CARS1: variants seen among roughly 807,000 people sequenced by gnomAD.
The protein encoded by CARS1 is cysteinyl-tRNA synthetase 1, also known as cysteine--tRNA ligase, cytoplasmic.
A neutral mutation model predicts 106.2 loss-of-function variants in CARS1; 48 were observed. The ratio of observed to expected loss-of-function variants is 0.45; its 90% CI spans 0.36 to 0.57. The LOEUF is 0.57. Among genes scored for constraint, CARS1 ranks in the 20% least tolerant of loss-of-function variants. The pLI is 0.00. For missense variants in CARS1, 968 were observed against 1,057.2 expected (o/e 0.92, Z 1.17); for synonymous variants, 409 against 403.4 (o/e 1.01, Z -0.17).
In CARS1 at chr11:3,046,259, C is replaced by T. The variant is rs1266822403; in HGVS notation, c.274+1494G>A. Among the ~76,000 whole-genome samples, 2 of 152,176 alleles carry T rather than the reference C, an allele frequency of 1.3e-5. No homozygotes were observed. The highest frequency in any genetic ancestry group is 4.8e-5 in the African/African-American group (2 of 41,434). ...CGTCTGTGCCGCTCTTTCAACAAGT[C>T]CCTATGAGGGAAGCCTGGACAGGCC... On this transcript the variant is annotated intron_variant, in intron 2 of 22. Coordinates refer to ENST00000380525, the MANE Select transcript of CARS1 (RefSeq NM_001014437.3). This position sits in a 1 kb window ranked among gnomAD's most constrained non-coding sequence, Gnocchi z 5.8.
chr11:3,005,524 C>T (rs552813155), intron 19 of CARS1, 91 bp from the exon 20 acceptor site: 1 of 944,660 alleles, frequency 1.1e-6, no homozygotes, highest in East Asian at 2.4e-5. Flanking sequence ...CCTGCCCAGA[C>T]CATGCGGTGC....
Position 3,001,998 on chromosome 11 carries a change from G to T in CARS1, c.2333C>A (p.Thr778Asn). 2 of 1,613,752 alleles carry T rather than the reference G, an allele frequency of 1.2e-6. No individual in the cohort carries two copies. The highest frequency in any genetic ancestry group is 1.7e-6 in the Non-Finnish European group (2 of 1,179,744). ...IPPSEMFLSE[T>N]DKYSKFDENG... ...TTCATCAAACTTGGAGTATTTGTCGGTTTCTGACAAGAACATCTCACTGGG... is the reference window on the plus strand; with the variant it reads ...TTCATCAAACTTGGAGTATTTGTCGTTTTCTGACAAGAACATCTCACTGGG... Residue 778 changes from threonine to asparagine, a missense_variant, in exon 22 of 23, where the codon ACC (threonine) becomes AAC (asparagine). Thr to Asn is a moderately conservative substitution (Grantham distance 65). Transcript: ENST00000380525.
At chr11:3,001,522 G>A (rs1849402076) in intron 22 of CARS1, among the ~76,000 whole-genome samples, 1 of 152,212 alleles carries the variant, frequency 6.6e-6, no homozygotes, top group Non-Finnish European at 1.5e-5. Flanking sequence ...ACCCATGGCT[G>A]AGTTCTGACA....
chr11:3,001,789 G>A (rs368120121), intron 22 of CARS1, among the ~76,000 whole-genome samples, 181 bp downstream of exon 22: 4 of 152,220 alleles, frequency 2.6e-5, no homozygotes, highest in South Asian at 4.1e-4. Flanking sequence ...AGCTGCCTGG[G>A]CTGTGGAAGG....
chr11:3,036,875 A>C (rs1380373333), intron 7 of CARS1, among the ~76,000 whole-genome samples: 1 of 152,216 alleles, frequency 6.6e-6, no homozygotes, highest in African/African-American at 2.4e-5. Context: ...CATGCACTAC[A>C]GCATGGGTCA....
chr11:3,039,084 A>G lies in CARS1; in HGVS notation c.651+110T>C, dbSNP rs1384736615. 5 of 707,208 alleles carry G rather than the reference A, an allele frequency of 7.1e-6. No individual in the cohort carries two copies. The Admixed American group carries it at 1.2e-4, about 17-fold the overall frequency. The allele number at this position is 707,208 out of a possible 1,614,324, so 43.8% of individuals were successfully genotyped here. A position where few individuals can be genotyped will look rare whatever the true frequency, so the allele number is the denominator to read the frequency against. The stretch of plus-strand genomic sequence containing the variant: ...GACGGAACTGGCTTGAGTAACATAC[A>G]CTTTGTGAAAGCCTGTGAGACTGAC... On this transcript the variant is annotated intron_variant, in intron 6 of 22. Transcript: ENST00000380525. This position sits in a 1 kb window ranked among gnomAD's most constrained non-coding sequence, Gnocchi z 5.6.
At chr11:3,056,177 T>C (rs1856182369) in intron 1 of CARS1, among the ~76,000 whole-genome samples, 1 of 152,186 alleles carries the variant, frequency 6.6e-6, no homozygotes, top group Non-Finnish European at 1.5e-5. Context: ...TAACTACCTA[T>C]CTATAACCCA....
rs1443931313 is a variant in CARS1 at position 3,044,919 on chromosome 11, G to A, written c.275-2663C>T. ...GATGCAGATAGGACCCAAGCAAGGGGTTCATGGAGAGAAATCCTTCATCAG... is the reference window on the plus strand; with the variant it reads ...GATGCAGATAGGACCCAAGCAAGGGATTCATGGAGAGAAATCCTTCATCAG... On this transcript the variant is annotated intron_variant, in intron 2 of 22. Coordinates refer to ENST00000380525, the MANE Select transcript of CARS1 (RefSeq NM_001014437.3). The surrounding 1 kb of genome is among the most constrained non-coding windows in gnomAD (Gnocchi z 4.4). Among the ~76,000 whole-genome samples the A allele has an allele frequency of 6.6e-6, 1 of 152,134 alleles. No individual in the cohort carries two copies. Among genetic ancestry groups the A allele is most frequent in the Non-Finnish European group, 1.5e-5 (1 of 68,034 alleles).
chr11:3,030,319 T>C lies in CARS1; in HGVS notation c.802-876A>G, dbSNP rs370868721. 6.6e-6 allele frequency: 1 copy of C among 152,258 alleles called. No homozygotes were observed. Among genetic ancestry groups the C allele is most frequent in the African/African-American group, 2.4e-5 (1 of 41,464 alleles). The allele number at this position is 152,258 out of a possible 1,614,324, so 9.4% of individuals were successfully genotyped here. A position where few individuals can be genotyped will look rare whatever the true frequency, so the allele number is the denominator to read the frequency against. On this transcript the variant is annotated intron_variant, in intron 7 of 22. Transcript: ENST00000380525. The surrounding 1 kb of genome is among the most constrained non-coding windows in gnomAD (Gnocchi z 5.7). The stretch of plus-strand genomic sequence containing the variant: ...GGGCCCACGTGGGCCAGGTTCCTGA[T>C]GCAATCCCTGCCTACAGCTCCTGAA...
Position 3,019,178 on chromosome 11 carries a change from G to C in CARS1, c.1356C>G (p.Leu452=). 1 of 1,528,758 alleles carries C rather than the reference G, an allele frequency of 6.5e-7. No individual in the cohort carries two copies. The highest frequency in any genetic ancestry group is 1.3e-5 in the South Asian group (1 of 77,048). The allele number at this position is 1,528,758 out of a possible 1,614,324, so 94.7% of individuals were successfully genotyped here. ...GCTCATTGTCATGGTGGGGGAACCG[G>C]AGGTCGAACCCACCTCCGTGAATGT... ...SMDIHGGGFD[L]RFPHHDNELA... Residue 452 remains leucine (L), a synonymous_variant, in exon 12 of 23, where the codon CTC becomes CTG. Coordinates refer to ENST00000380525, the MANE Select transcript of CARS1 (RefSeq NM_001014437.3). This position sits in a 1 kb window ranked among gnomAD's most constrained non-coding sequence, Gnocchi z 6.2.
In CARS1 at chr11:3,053,076, G is replaced by A. The variant is rs867821964; in HGVS notation, c.25+4267C>T. Among the ~76,000 whole-genome samples, 5 of 152,178 alleles carry A rather than the reference G, an allele frequency of 3.3e-5. No individual in the cohort carries two copies. The highest frequency in any genetic ancestry group is 7.2e-5 in the African/African-American group (3 of 41,434). ...TACAGAACATTTATTGAAATCACAT[G>A]CAAGTACCAAGCAATTGCTCAGCAC... On this transcript the variant is annotated intron_variant, in intron 1 of 22. Coordinates refer to ENST00000380525, the MANE Select transcript of CARS1 (RefSeq NM_001014437.3). The surrounding 1 kb of genome is among the most constrained non-coding windows in gnomAD (Gnocchi z 6.6).
chr11:3,024,257 T>C (rs1017776366), intron 10 of CARS1, among the ~76,000 whole-genome samples: 10 of 152,188 alleles, frequency 6.6e-5, no homozygotes, highest in African/African-American at 2.2e-4. Context: ...CTCTAATTGG[T>C]GCTTTAGGGG....
chr11:3,001,150 T>C lies in CARS1; in HGVS notation c.2460A>G (p.Glu820=), dbSNP rs1249856953. The C allele has an allele frequency of 1.2e-6, 2 of 1,614,118 alleles. No homozygotes were observed. Among genetic ancestry groups the C allele is most frequent in the Non-Finnish European group, 1.7e-6 (2 of 1,180,012 alleles). ...LFEAQEKLYK[E]YLQMAQNGSF... is the part of the protein sequence containing the mutation. ...TTCCATTCTGGGCCATCTGCAGATA[T>C]TCCTTGTAGAGCTTCTCCTGAGCCT... The change falls in exon 23 of 23, where the codon GAA becomes GAG. Residue 820 remains glutamate, a synonymous_variant. Coordinates refer to ENST00000380525, the MANE Select transcript of CARS1 (RefSeq NM_001014437.3).
At position 3,028,402 on chromosome 11, in the gene CARS1, TC is replaced by T; in HGVS notation, c.1031+593del. On this transcript the variant is annotated intron_variant, in intron 9 of 22. Coordinates refer to ENST00000380525, the MANE Select transcript of CARS1 (RefSeq NM_001014437.3). This position sits in a 1 kb window ranked among gnomAD's most constrained non-coding sequence, Gnocchi z 4.4. Reference sequence around the variant, plus strand: ...GTCTTTATTTCTACAATCTCTCATCTCCACACATGGGGAGAAAAACCCACCG... The same window carrying T: ...GTCTTTATTTCTACAATCTCTCATCTCACACATGGGGAGAAAAACCCACCG... The T allele has an allele frequency of 2.9e-6, 1 of 339,424 alleles. No homozygotes were observed. Among genetic ancestry groups the T allele is most frequent in the South Asian group, 3.8e-5 (1 of 26,544 alleles). The allele number at this position is 339,424 out of a possible 1,614,324, so 21.0% of individuals were successfully genotyped here.
At chr11:3,006,360 C>T (rs1335726770) in intron 19 of CARS1, among the ~76,000 whole-genome samples, 2 of 152,156 alleles carry the variant, frequency 1.3e-5, no homozygotes, top group African/African-American at 2.4e-5. Context: ...GCAGGAGAAT[C>T]GCTTGAACCC....
chr11:3,037,972 T>C lies in CARS1; in HGVS notation c.801+78A>G. 7.3e-7 allele frequency: 1 copy of C among 1,363,628 alleles called. No homozygotes were observed. The highest frequency in any genetic ancestry group is 1.3e-5 in the South Asian group (1 of 75,984). The allele number at this position is 1,363,628 out of a possible 1,614,324, so 84.5% of individuals were successfully genotyped here. ...CCACTAAGACAATCTGTGGAATCAA[T>C]CCGTGCACACAGATCAGTCTATGCA... On this transcript the variant is annotated intron_variant, in intron 7 of 22. Coordinates refer to ENST00000380525, the MANE Select transcript of CARS1 (RefSeq NM_001014437.3). This position sits in a 1 kb window ranked among gnomAD's most constrained non-coding sequence, Gnocchi z 5.9.
chr11:3,016,162 G>A (rs1217755134), intron 16 of CARS1, among the ~76,000 whole-genome samples: 7 of 152,266 alleles, frequency 4.6e-5, no homozygotes, highest in South Asian at 4.1e-4. Flanking sequence ...GGTGCACTGC[G>A]GGGAAGGGCT....
At chr11:3,002,626 G>A in intron 20 of CARS1, 26 bp from the exon 21 acceptor site, 6 of 1,613,766 alleles carry the variant, frequency 3.7e-6, no homozygotes, top group Non-Finnish European at 5.1e-6. Context: ...AGAGCCAGAT[G>A]AGACAGGGCT....
intron 1 of CARS1, among the ~76,000 whole-genome samples, chr11:3,051,417 T>C (rs1855686942): frequency 6.6e-6 from 1 of 152,070 alleles, no homozygotes; most frequent in African/African-American, 2.4e-5. Context: ...GCTGCTTACA[T>C]GGAGATGCGC....
Sources: allele counts gnomAD v4.1 joint callset (sites outside exome capture counted in the v4.1 genomes callset), GRCh38; gene constraint gnomAD v4.1.1; non-coding constraint Gnocchi (gnomAD v3.1); transcripts MANE v1.5; gene names NCBI Gene and HGNC (gene_info 2026-07-23, HGNC 2026-07-21).